The following MACF1 variants were observed in gnomAD, a reference collection of about 807,000 sequenced individuals.
MACF1 encodes microtubule actin crosslinking factor 1, also known as microtubule-actin cross-linking factor 1.
Under a neutral mutation model 854.8 loss-of-function variants are expected in MACF1, and 193 were observed. The ratio of observed to expected loss-of-function variants is 0.23; its 90% confidence interval spans 0.20 to 0.25. MACF1 has a LOEUF of 0.25. Among genes scored for constraint, MACF1 ranks in the 10% least tolerant of loss-of-function variants. MACF1 has a pLI of 1.00. For missense variants in MACF1, 7,722 were observed against 8,929.1 expected, an observed-to-expected ratio of 0.86 and a Z score of 5.45; for synonymous variants, 3,185 against 3,226.7, an observed-to-expected ratio of 0.99 and a Z score of 0.44.
chr1:39,380,174 A>G, intron 54 of MACF1, 70 bp from the exon 55 acceptor site: 1 of 1,527,720 alleles, frequency 6.5e-7, no homozygotes, highest in East Asian at 2.3e-5. Context: ...TTTTCCAATC[A>G]TTTCTACCAC....
intron 21 of MACF1, among the ~76,000 whole-genome samples, chr1:39,299,057 T>C (rs1360174617): frequency 6.6e-6 from 1 of 152,146 alleles, no homozygotes; most frequent in Non-Finnish European, 1.5e-5. Context: ...TTTACCACGC[T>C]GAGCACTTGG....
Position 39,105,811 on chromosome 1 carries a change from G to A in MACF1, c.220+21373G>A, listed in dbSNP as rs952590131. 4.2e-6 allele frequency: 4 copies of A among 953,656 alleles called. No homozygotes were observed. The highest frequency in any genetic ancestry group is 6.1e-5 in the Admixed American group (1 of 16,308). 59.1% of individuals were successfully genotyped at this position (953,656 alleles called of 1,614,324 possible). ...CTCGGCGGCTGCAGGTGGGGCGGCC[G>A]GGCGGGGTCGCACCCACCGCGCGGG... On this transcript the variant is annotated intron_variant, in intron 2 of 93. Transcript: ENST00000361689. The surrounding 1 kb of genome is among the most constrained non-coding windows in gnomAD (Gnocchi z 5.9).
At chr1:39,252,205 C>T (rs1351186710) in intron 4 of MACF1, among the ~76,000 whole-genome samples, 1 of 152,184 alleles carries the variant, frequency 6.6e-6, no homozygotes, top group African/African-American at 2.4e-5. Flanking sequence ...GTGTCAAGTT[C>T]TCTTCTGACC....
chr1:39,171,169 C>T (rs553171290), intron 2 of MACF1, among the ~76,000 whole-genome samples: 159 of 150,730 alleles, frequency 1.1e-3, no homozygotes, highest in Non-Finnish European at 1.8e-3. Flanking sequence ...CTTTCTGGTC[C>T]ATATTTACTT....
chr1:39,362,252 G>A (rs1648253194), intron 49 of MACF1, among the ~76,000 whole-genome samples: 1 of 152,214 alleles, frequency 6.6e-6, no homozygotes, highest in South Asian at 2.1e-4. Flanking sequence ...GGCTGTACCA[G>A]CACACATTCC....
intron 44 of MACF1, among the ~76,000 whole-genome samples, chr1:39,353,970 C>T (rs1205709988): frequency 6.6e-6 from 1 of 152,152 alleles, no homozygotes; most frequent in Non-Finnish European, 1.5e-5. Context: ...TTTTACCTTC[C>T]AGTCCATTCT....
intron 2 of MACF1, among the ~76,000 whole-genome samples, chr1:39,180,567 G>C (rs977759348): frequency 1.3e-5 from 2 of 152,206 alleles, no homozygotes; most frequent in Non-Finnish European, 2.9e-5. Flanking sequence ...AGTGAGCCGA[G>C]ATTGCGCCAC....
Position 39,113,064 on chromosome 1 carries a change from C to T in MACF1, c.220+28626C>T, listed in dbSNP as rs552578864. On this transcript the variant is annotated intron_variant, in intron 2 of 93. Coordinates refer to the MACF1 transcript ENST00000361689. ...CGGCTTCCCAGAGAGTAGATTTCTA[C>T]TGTCACCCATCATTTACATAACCTC... Among the ~76,000 whole-genome samples the T allele has an allele frequency of 2.0e-5, 3 of 152,274 alleles. No individual in the cohort carries two copies. The East Asian group carries it at 5.8e-4, about 29-fold the overall frequency.
intron 15 of MACF1, among the ~76,000 whole-genome samples, chr1:39,287,943 C>A (rs951572962): frequency 2.0e-5 from 3 of 152,174 alleles, no homozygotes; most frequent in Non-Finnish European, 2.9e-5. Flanking sequence ...CCTTTGGAAT[C>A]TTTTCCCTCA....
At position 39,105,690 on chromosome 1, in the gene MACF1, T is replaced by C; in HGVS notation, c.220+21252T>C. On this transcript the variant is annotated intron_variant, in intron 2 of 93. Transcript: ENST00000361689. The surrounding 1 kb of genome is among the most constrained non-coding windows in gnomAD (Gnocchi z 5.9). ...CCAGGAGAAGGAGTTCGTGCAGGCGTACGAGGATGTGCTGGAGCGGTACAA... is the reference window on the plus strand; with the variant it reads ...CCAGGAGAAGGAGTTCGTGCAGGCGCACGAGGATGTGCTGGAGCGGTACAA... 8.1e-7 allele frequency: 1 copy of C among 1,230,992 alleles called. No individual in the cohort carries two copies. The highest frequency in any genetic ancestry group is 1.0e-6 in the Non-Finnish European group (1 of 959,712). 76.3% of individuals were successfully genotyped at this position (1,230,992 alleles called of 1,614,324 possible).
At chr1:39,353,617 A>G (rs1012453571) in intron 44 of MACF1, among the ~76,000 whole-genome samples, 1 of 152,102 alleles carries the variant, frequency 6.6e-6, no homozygotes, top group Admixed American at 6.5e-5. Context: ...TTCTGTCCCG[A>G]GCTTCAAAAC....
intron 2 of MACF1, among the ~76,000 whole-genome samples, chr1:39,167,014 T>C (rs1643889219): frequency 6.6e-6 from 1 of 151,944 alleles, no homozygotes; most frequent in South Asian, 2.1e-4. Context: ...CAGGCTGCAG[T>C]GCAATGGCAC....
intron 2 of MACF1, among the ~76,000 whole-genome samples, chr1:39,145,195 T>A (rs144106695): frequency 9.8e-4 from 149 of 152,320 alleles, no homozygotes; most frequent in East Asian, 8.1e-3. Flanking sequence ...AACCTTTTTA[T>A]TCTCTTCTGG....
intron 4 of MACF1, among the ~76,000 whole-genome samples, chr1:39,252,882 A>G (rs1255176609): frequency 6.6e-6 from 1 of 152,174 alleles, no homozygotes; most frequent in Non-Finnish European, 1.5e-5. Context: ...AGTGTTGGAG[A>G]GTGCCCAGAA....
chr1:39,245,764 C>T (rs1439981352), intron 2 of MACF1, among the ~76,000 whole-genome samples: 1 of 152,180 alleles, frequency 6.6e-6, no homozygotes, highest in Non-Finnish European at 1.5e-5. Context: ...TTTATTCATT[C>T]ATTCATTCAG....
chr1:39,182,467 G>A (rs975194806), intron 2 of MACF1, among the ~76,000 whole-genome samples: 6 of 151,740 alleles, frequency 4.0e-5, no homozygotes, highest in Non-Finnish European at 1.5e-5. Context: ...ATCTAATAAG[G>A]GACTTATATC....
chr1:39,411,520 G>A (rs533293962), intron 58 of MACF1: 99 of 1,613,770 alleles, frequency 6.1e-5, no homozygotes, highest in Non-Finnish European at 8.2e-5. Context: ...CCTGGATTGC[G>A]ATTGTGTTCT....
intron 89 of MACF1, among the ~76,000 whole-genome samples, chr1:39,456,228 G>C (rs1644436332): frequency 6.6e-6 from 1 of 152,138 alleles, no homozygotes; most frequent in South Asian, 2.1e-4. Flanking sequence ...CAGCTACTCA[G>C]GCGGCTGAGG....
chr1:39,256,560 C>T lies in MACF1; in HGVS notation c.436-1376C>T, dbSNP rs151217529. On this transcript the variant is annotated intron_variant, in intron 5 of 100. Coordinates refer to ENST00000564288, the MANE Select transcript of MACF1 (RefSeq NM_001394062.1). Reference sequence around the variant, plus strand: ...GGAGGACAGCTGAAGGACACTGTGTCGCAGGACTCTGAGGGTATGATTGAG... The same window carrying T: ...GGAGGACAGCTGAAGGACACTGTGTTGCAGGACTCTGAGGGTATGATTGAG... Among the ~76,000 whole-genome samples the T allele has an allele frequency of 2.8e-3, 431 of 152,136 alleles. 2 individuals are homozygous for T. Among genetic ancestry groups the T allele is most frequent in the African/African-American group, 0.01 (422 of 41,508 alleles).
Sources: allele counts gnomAD v4.1 joint callset (sites outside exome capture counted in the v4.1 genomes callset), GRCh38; gene constraint gnomAD v4.1.1; non-coding constraint Gnocchi (gnomAD v3.1); transcripts MANE v1.5; gene names NCBI Gene and HGNC (gene_info 2026-07-23, HGNC 2026-07-21).